Variants in PSMC6 observed in about 807,000 individuals in gnomAD.
PSMC6 encodes 26S proteasome regulatory subunit 10B.
PSMC6 carries 3 observed loss-of-function variants against 55.9 expected under a neutral mutation model. The ratio of observed to expected loss-of-function variants is 0.05; its 90% CI spans 0.02 to 0.14. The LOEUF (loss-of-function observed/expected upper bound fraction) is 0.14. Ranked by LOEUF, PSMC6 falls within the 10% of genes least tolerant of loss-of-function variation. The pLI is 1.00. For missense variants in PSMC6, 210 were observed against 478.7 expected (o/e 0.44, Z 5.24); for synonymous variants, 137 against 155.9 (o/e 0.88, Z 0.90).
At chr14:52,711,005 TA>T in intron 4 of PSMC6, 95 bp from the exon 5 acceptor site, 12 of 818,594 alleles carry the variant, frequency 1.5e-5, no homozygotes, top group Non-Finnish European at 2.3e-5. Context: ...CTCTGGAGGG[TA>T]AAAATGAGTG....
At chr14:52,711,041 C>A in intron 4 of PSMC6, 60 bp from the exon 5 acceptor site, 5 of 346,734 alleles carry the variant, frequency 1.4e-5, no homozygotes, top group Non-Finnish European at 1.8e-5. Flanking sequence ...ATTAAACTCT[C>A]GTTAGAGTGT....
intron 1 of PSMC6, 57 bp downstream of exon 1, chr14:52,707,361 C>G: frequency 6.2e-7 from 1 of 1,604,508 alleles, no homozygotes; most frequent in African/African-American, 1.3e-5. Flanking sequence ...CTGCCTCTGA[C>G]AAAGCAGAAG....
intron 4 of PSMC6, chr14:52,709,492 TG>T (rs556599579): frequency 2.0e-4 from 81 of 405,294 alleles, no homozygotes; most frequent in African/African-American, 1.6e-3. Flanking sequence ...ATTAGGATTT[TG>T]CCTAGTATAT....
intron 9 of PSMC6, 182 bp from the exon 10 acceptor site, chr14:52,718,795 C>T: frequency 1.7e-6 from 1 of 590,832 alleles, no homozygotes; most frequent in Non-Finnish European, 3.0e-6. Context: ...AATAAATAAC[C>T]TTTCACTTTA....
chr14:52,713,287 A>C (rs1284601374), intron 6 of PSMC6, among the ~76,000 whole-genome samples: 1 of 152,178 alleles, frequency 6.6e-6, no homozygotes, highest in Non-Finnish European at 1.5e-5. Context: ...GGACTTTCAG[A>C]TCTTCAATTT....
chr14:52,714,492 C>T (rs1357188958), intron 7 of PSMC6, among the ~76,000 whole-genome samples: 1 of 152,176 alleles, frequency 6.6e-6, no homozygotes. Context: ...GATTCTAGTG[C>T]AACAGTCCTC....
At chr14:52,714,662 G>A (rs915089533) in intron 7 of PSMC6, among the ~76,000 whole-genome samples, 1 of 152,040 alleles carries the variant, frequency 6.6e-6, no homozygotes, top group Non-Finnish European at 1.5e-5. Flanking sequence ...AGGAGTTTGA[G>A]AGCAGCCTGG....
chr14:52,707,346 C>G (rs754737724), intron 1 of PSMC6, 42 bp downstream of exon 1: 1 of 1,610,374 alleles, frequency 6.2e-7, no homozygotes. Flanking sequence ...TGCCTCGACT[C>G]GCTTCTGCCT....
chr14:52,707,716 C>T lies in PSMC6; in HGVS notation c.85+412C>T, dbSNP rs2041719298. Among the ~76,000 whole-genome samples the T allele has an allele frequency of 3.9e-5, 6 of 152,274 alleles. No homozygotes were observed. In the South Asian group the frequency reaches 1.2e-3, roughly 32 times the overall value. On this transcript the variant is annotated intron_variant, in intron 1 of 13. Transcript: ENST00000445930. ...GCTTGTTCTTGGAGTCGAAAGACGG[C>T]CGCGGAGCTTAAGAGAGAAGTGTTC...
rs71125121 is a variant in PSMC6 at position 52,717,330 on chromosome 14, A to ATTT, written c.530-731_530-729dup. Among the ~76,000 whole-genome samples the ATTT allele has an allele frequency of 1.6e-3, 179 of 110,694 alleles. 1 individual carries two copies. Among genetic ancestry groups the ATTT allele is most frequent in the Non-Finnish European group, 2.0e-3 (114 of 56,434 alleles). 72.6% of individuals were successfully genotyped at this position (110,694 alleles called of 152,430 possible). ...ATGTTGACAGCAGAAGTACTTTGGA[A>ATTT]TTTTTTTTTTTTTTTTTTTTTTGAG... On this transcript the variant is annotated intron_variant, in intron 7 of 13. Coordinates refer to ENST00000445930, the MANE Select transcript of PSMC6 (RefSeq NM_002806.5).
chr14:52,724,523 C>A (rs1004882187), intron 13 of PSMC6, among the ~76,000 whole-genome samples: 5 of 152,178 alleles, frequency 3.3e-5, no homozygotes, highest in Non-Finnish European at 5.9e-5. Context: ...TGGGCCAGCA[C>A]CAGAGGTATC....
intron 1 of PSMC6, 177 bp downstream of exon 1, chr14:52,707,481 T>C: frequency 1.3e-6 from 1 of 797,264 alleles, no homozygotes; most frequent in Non-Finnish European, 1.9e-6. Context: ...CCTTCGGGTG[T>C]AGAAATGGCC....
intron 6 of PSMC6, 33 bp downstream of exon 6, chr14:52,711,557 G>A: frequency 1.4e-6 from 2 of 1,425,498 alleles, no homozygotes; most frequent in Non-Finnish European, 1.9e-6. Context: ...TCTGAACTTA[G>A]CTAATAAATA....
intron 4 of PSMC6, chr14:52,709,203 G>A (rs2041737774): frequency 5.3e-6 from 1 of 188,650 alleles, no homozygotes; most frequent in African/African-American, 2.4e-5. Flanking sequence ...CATGGCCTAA[G>A]TTAATTTTGT....
rs766183698 is a variant in PSMC6, at chr14:52,728,470, G to C, written c.*853G>C. ...TCCAAGGACTCTTTAGGTATGTATG[G>C]ATACCTGGCTAAGAGTGTATGATGT... is the stretch of plus-strand genomic sequence containing the variant. On this transcript the variant is annotated 3_prime_UTR_variant, in exon 14 of 14. Coordinates refer to ENST00000445930, the MANE Select transcript of PSMC6 (RefSeq NM_002806.5). 4.6e-5 allele frequency: 7 copies of C among 152,130 alleles called. No homozygotes were observed. Among genetic ancestry groups the C allele is most frequent in the Non-Finnish European group, 7.3e-5 (5 of 68,028 alleles). 9.4% of individuals were successfully genotyped at this position (152,130 alleles called of 1,614,324 possible). A position where few individuals can be genotyped will look rare whatever the true frequency, so the allele number is the denominator to read the frequency against.
chr14:52,712,059 A>C (rs1428077376), intron 6 of PSMC6, among the ~76,000 whole-genome samples: 1 of 152,250 alleles, frequency 6.6e-6, no homozygotes, highest in Non-Finnish European at 1.5e-5. Context: ...TTCATAGCAC[A>C]GACAGCTTCT....
chr14:52,718,485 A>AT, intron 9 of PSMC6, 133 bp downstream of exon 9: 1 of 1,014,592 alleles, frequency 9.9e-7, no homozygotes. Context: ...AGTTTAACCA[A>AT]TTTTAATAAA....
intron 13 of PSMC6, among the ~76,000 whole-genome samples, chr14:52,726,399 C>T (rs760850408): frequency 5.3e-5 from 8 of 151,994 alleles, no homozygotes; most frequent in Admixed American, 1.3e-4. Context: ...TGCTAAAACC[C>T]GCTGTTGGCT....
chr14:52,725,447 G>A (rs779523419), intron 13 of PSMC6, among the ~76,000 whole-genome samples: 2 of 152,062 alleles, frequency 1.3e-5, no homozygotes, highest in East Asian at 1.9e-4. Flanking sequence ...AACATTTTTC[G>A]TAAGTTAAAA....
Sources: allele counts gnomAD v4.1 joint callset (sites outside exome capture counted in the v4.1 genomes callset), GRCh38; gene constraint gnomAD v4.1.1; transcripts MANE v1.5; gene names NCBI Gene and HGNC (gene_info 2026-07-23, HGNC 2026-07-21).